PCDHGA1: variants seen among roughly 807,000 people sequenced by gnomAD.
The protein encoded by PCDHGA1 is protocadherin gamma subfamily A, 1, also known as protocadherin gamma-A1.
Under a neutral mutation model 58.0 loss-of-function variants are expected in PCDHGA1, and 32 were observed. The ratio of observed to expected loss-of-function variants is 0.55; its 90% confidence interval spans 0.42 to 0.74. The LOEUF is 0.74. Among genes scored for constraint, PCDHGA1 ranks in the 30% least tolerant of loss-of-function variants. The pLI, the probability that PCDHGA1 is intolerant of heterozygous loss-of-function variation, is 0.00. For missense variants in PCDHGA1, 1,205 were observed against 1,182.3 expected (o/e 1.02, Z -0.28); for synonymous variants, 498 against 501.1 (o/e 0.99, Z 0.08).
intron 2 of PCDHGA1, among the ~76,000 whole-genome samples, chr5:141,504,143 C>A (rs2099835975): frequency 6.6e-6 from 1 of 152,136 alleles, no homozygotes; most frequent in Non-Finnish European, 1.5e-5. Flanking sequence ...CACTCCCCTG[C>A]AAATTGAAAT....
At chr5:141,404,521 G>A in intron 1 of PCDHGA1, 2 of 1,613,976 alleles carry the variant, frequency 1.2e-6, no homozygotes, top group Non-Finnish European at 1.7e-6. Flanking sequence ...TTGACTATGA[G>A]CAGTTTAGAG....
chr5:141,337,469 T>C (rs1756684029), intron 1 of PCDHGA1, among the ~76,000 whole-genome samples: 1 of 152,224 alleles, frequency 6.6e-6, no homozygotes, highest in African/African-American at 2.4e-5. Flanking sequence ...TGTTACATGC[T>C]ACAATATGGA....
intron 1 of PCDHGA1, among the ~76,000 whole-genome samples, chr5:141,452,054 C>A (rs578157525): frequency 6.4e-4 from 97 of 152,196 alleles, no homozygotes; most frequent in African/African-American, 2.2e-3. Flanking sequence ...TTTGTAATAA[C>A]TTATTCTACT....
chr5:141,376,010 G>A (rs1479116283), intron 1 of PCDHGA1: 4 of 1,613,424 alleles, frequency 2.5e-6, no homozygotes, highest in Middle Eastern at 1.7e-4. Flanking sequence ...GCAGAGCCTA[G>A]TGGTGGCCGT....
At chr5:141,346,517 G>T in intron 1 of PCDHGA1, 2 of 1,598,398 alleles carry the variant, frequency 1.3e-6, no homozygotes, top group Non-Finnish European at 1.7e-6. Context: ...TTATTATAAA[G>T]CTTTAACACA....
chr5:141,419,769 CGGT>C, intron 1 of PCDHGA1: 1 of 1,614,006 alleles, frequency 6.2e-7, no homozygotes, highest in Non-Finnish European at 8.5e-7. Context: ...GACAAGGACT[CGGT>C]CCGCCAGCGC....
Position 141,477,872 on chromosome 5 carries a change from G to A in PCDHGA1, c.2422-16935G>A. The stretch of plus-strand genomic sequence containing the variant: ...GGAGATGCTGCCTCGAGGTACCTCA[G>A]CTGGCCACCTAGTGTCACGGGTGGT... On this transcript the variant is annotated intron_variant, in intron 1 of 3. Coordinates refer to ENST00000517417, the MANE Select transcript of PCDHGA1 (RefSeq NM_018912.3). This position sits in a 1 kb window ranked among gnomAD's most constrained non-coding sequence, Gnocchi z 4.9. The A allele has an allele frequency of 6.2e-7, 1 of 1,614,180 alleles. No individual in the cohort carries two copies. Among genetic ancestry groups the A allele is most frequent in the African/African-American group, 1.3e-5 (1 of 75,058 alleles).
At chr5:141,413,117 C>T (rs902301902) in intron 1 of PCDHGA1, 42 of 1,509,002 alleles carry the variant, frequency 2.8e-5, no homozygotes, top group Non-Finnish European at 3.6e-5. Flanking sequence ...ACAAAGGAAC[C>T]GGTTGAAACA....
intron 1 of PCDHGA1, chr5:141,357,224 TG>T: frequency 6.2e-7 from 1 of 1,613,828 alleles, no homozygotes; most frequent in African/African-American, 1.3e-5. Context: ...CTGGCTGACT[TG>T]GGCAGCCTCA....
intron 1 of PCDHGA1, among the ~76,000 whole-genome samples, chr5:141,472,980 CAAAAA>C (rs60579131): frequency 1.2e-5 from 1 of 86,106 alleles, no homozygotes; most frequent in African/African-American, 3.9e-5. Flanking sequence ...GAGTGAAACT[CAAAAA>C]AAAAAAAAAA....
chr5:141,372,086 C>T (rs1389787406), intron 1 of PCDHGA1: 21 of 1,613,620 alleles, frequency 1.3e-5, no homozygotes, highest in East Asian at 2.2e-5. Flanking sequence ...TGGTGCTGTA[C>T]CCAGCTCTGG....
chr5:141,434,073 A>G (rs1372471160), intron 1 of PCDHGA1, among the ~76,000 whole-genome samples: 2 of 152,058 alleles, frequency 1.3e-5, no homozygotes, highest in African/African-American at 4.8e-5. Flanking sequence ...GTTAATATCA[A>G]TTATTTATTT....
Position 141,477,071 on chromosome 5 carries a change from G to T in PCDHGA1, c.2422-17736G>T. 6.2e-7 allele frequency: 1 copy of T among 1,614,226 alleles called. No individual in the cohort carries two copies. The highest frequency in any genetic ancestry group is 8.5e-7 in the Non-Finnish European group (1 of 1,180,030). ...GGACTTCGAGGACACCAAACTCCAT[G>T]AGATTTACATCCAGGCCAAAGACAA... is the stretch of plus-strand genomic sequence containing the variant. On this transcript the variant is annotated intron_variant, in intron 1 of 3. Coordinates refer to ENST00000517417, the MANE Select transcript of PCDHGA1 (RefSeq NM_018912.3). This position sits in a 1 kb window ranked among gnomAD's most constrained non-coding sequence, Gnocchi z 4.9.
rs762443906 is a variant in PCDHGA1, at chr5:141,374,173, G to C, written c.2421+41068G>C. The C allele has an allele frequency of 3.1e-6, 5 of 1,613,352 alleles. No homozygotes were observed. The South Asian group carries it at 4.4e-5, about 14-fold the overall frequency. ...CGCTGTGGGGGGCCGCGGCAGCGCA[G>C]ATCCGCTACTCTATTCCCGAGGAGC... On this transcript the variant is annotated intron_variant, in intron 1 of 3. Coordinates refer to ENST00000517417, the MANE Select transcript of PCDHGA1 (RefSeq NM_018912.3).
chr5:141,400,593 T>C (rs768255831), intron 1 of PCDHGA1: 1 of 1,602,992 alleles, frequency 6.2e-7, no homozygotes, highest in Admixed American at 1.7e-5. Flanking sequence ...GAAACTATCG[T>C]ACATTTTCAA....
chr5:141,492,043 TC>T (rs1323524482), intron 1 of PCDHGA1: 5 of 518,152 alleles, frequency 9.6e-6, no homozygotes, highest in Non-Finnish European at 1.7e-5. Context: ...CAGTCACAGA[TC>T]CACCCCTGCA....
At chr5:141,386,640 A>G (rs1313920703) in intron 1 of PCDHGA1, among the ~76,000 whole-genome samples, 2 of 151,864 alleles carry the variant, frequency 1.3e-5, no homozygotes, top group African/African-American at 4.8e-5. Flanking sequence ...CCCAGGCTGG[A>G]TACATTTTAC....
intron 1 of PCDHGA1, chr5:141,382,797 G>A: frequency 5.0e-6 from 5 of 999,472 alleles, no homozygotes; most frequent in Non-Finnish European, 5.9e-6. Context: ...TATCCTGCTG[G>A]ATTCTGAGCT....
Position 141,475,063 on chromosome 5 carries a change from C to T in PCDHGA1, c.2422-19744C>T, listed in dbSNP as rs552623067. Among the ~76,000 whole-genome samples the T allele has an allele frequency of 1.1e-4, 16 of 152,320 alleles. No individual in the cohort carries two copies. The South Asian group carries it at 2.9e-3, about 28-fold the overall frequency. The stretch of plus-strand genomic sequence containing the variant: ...TTGTATTTTCTAAAGATTTGTGGAG[C>T]TTTGCTGCCATTATTTCAATAATTT... On this transcript the variant is annotated intron_variant, in intron 1 of 3. Coordinates refer to ENST00000517417, the MANE Select transcript of PCDHGA1 (RefSeq NM_018912.3).
Sources: allele counts gnomAD v4.1 joint callset (sites outside exome capture counted in the v4.1 genomes callset), GRCh38; gene constraint gnomAD v4.1.1; non-coding constraint Gnocchi (gnomAD v3.1); transcripts MANE v1.5; gene names NCBI Gene and HGNC (gene_info 2026-07-23, HGNC 2026-07-21).